Variants in DCHS2 observed in about 807,000 individuals in gnomAD.
DCHS2 encodes the protein protocadherin-23.
A neutral mutation model predicts 182.4 loss-of-function variants in DCHS2; 142 were observed. The ratio of observed to expected loss-of-function variants is 0.78; its 90% confidence interval spans 0.68 to 0.89. The LOEUF is 0.89. Ranked by LOEUF, DCHS2 falls within the 40% of genes least tolerant of loss-of-function variation. The pLI, the probability that DCHS2 is intolerant of heterozygous loss-of-function variation, is 0.00. For synonymous variants in DCHS2, 1,740 were observed against 1,663.3 expected (o/e 1.05, Z -1.12); for missense variants, 4,319 against 4,198.6 (o/e 1.03, Z -0.79).
In DCHS2 at chr4:154,234,840, T is replaced by G; in HGVS notation, c.9812A>C (p.Lys3271Thr). ...AGGGGGTGGAAAAACAAAAGATTTC[T>G]TCTCTTTTGGAATGCCAGGCATATG... Reference protein sequence around the residue: ...HLHMPGIPKEKKSFVFPPPLI... With the variant: ...HLHMPGIPKETKSFVFPPPLI... The change falls in exon 20 of 20, where the codon AAG becomes ACG. Residue 3271 changes from lysine to threonine, a missense_variant. Coordinates refer to ENST00000357232, the MANE Select transcript of DCHS2 (RefSeq NM_001358235.2). 1.2e-6 allele frequency: 2 copies of G among 1,614,078 alleles called. No individual in the cohort carries two copies. The highest frequency in any genetic ancestry group is 1.1e-5 in the South Asian group (1 of 91,076).
chr4:154,484,465 CAG>C (rs1728506132), intron 1 of DCHS2, among the ~76,000 whole-genome samples: 4 of 152,186 alleles, frequency 2.6e-5, no homozygotes, highest in African/African-American at 9.7e-5. Flanking sequence ...GTCTCCAAAA[CAG>C]CCTCCCATTA....
At chr4:154,360,281 C>T (rs1730056886) in intron 3 of DCHS2, among the ~76,000 whole-genome samples, 1 of 152,088 alleles carries the variant, frequency 6.6e-6, no homozygotes, top group Admixed American at 6.6e-5. Flanking sequence ...GCCACCATCA[C>T]CAACAGTGTA....
intron 1 of DCHS2, among the ~76,000 whole-genome samples, chr4:154,392,363 G>A (rs1451042616): frequency 6.6e-6 from 1 of 152,144 alleles, no homozygotes; most frequent in Non-Finnish European, 1.5e-5. Context: ...CCAGTGGAAG[G>A]ATGCATTCCC....
At chr4:154,349,578 T>C (rs1729512586) in intron 3 of DCHS2, among the ~76,000 whole-genome samples, 1 of 152,226 alleles carries the variant, frequency 6.6e-6, no homozygotes, top group Non-Finnish European at 1.5e-5. Flanking sequence ...ATGGGAGGAT[T>C]TGTGACAATG....
chr4:154,486,660 A>C (rs1019820481), intron 1 of DCHS2: 3 of 630,854 alleles, frequency 4.8e-6, no homozygotes, highest in Non-Finnish European at 7.0e-6. Context: ...TGGTTTTTGC[A>C]AAGTGGTATA....
Position 154,255,768 on chromosome 4 carries a change from T to TA in DCHS2, c.6790-99_6790-98insT, listed in dbSNP as rs1732633852. On this transcript the variant is annotated intron_variant, in intron 15 of 19. Transcript: ENST00000357232. ...TGCATTAAGAAAGAATCACAGCTTG[T>TA]CAAACATATTTTAAAAACAACGATG... 7.8e-6 allele frequency: 11 copies of TA among 1,410,188 alleles called. No individual in the cohort carries two copies. The African/African-American group carries it at 1.6e-4, about 21-fold the overall frequency. The allele number at this position is 1,410,188 out of a possible 1,614,324, so 87.4% of individuals were successfully genotyped here. A position where few individuals can be genotyped will look rare whatever the true frequency, so the allele number is the denominator to read the frequency against.
intron 3 of DCHS2, among the ~76,000 whole-genome samples, chr4:154,361,001 A>T (rs1243478455): frequency 1.3e-5 from 2 of 152,212 alleles, no homozygotes; most frequent in African/African-American, 4.8e-5. Flanking sequence ...GGCCTGCTGC[A>T]TCATAAGCAC....
intron 1 of DCHS2, among the ~76,000 whole-genome samples, chr4:154,434,801 T>A (rs1426641221): frequency 6.6e-6 from 1 of 152,186 alleles, no homozygotes; most frequent in Non-Finnish European, 1.5e-5. Flanking sequence ...CCCCATAATT[T>A]ATCAGCCCAG....
chr4:154,350,716 T>G (rs1239796485), intron 3 of DCHS2, among the ~76,000 whole-genome samples: 1 of 152,240 alleles, frequency 6.6e-6, no homozygotes, highest in African/African-American at 2.4e-5. Flanking sequence ...ACCATCTATT[T>G]TTTTTGCTAT....
rs186377292 is a variant in DCHS2, at chr4:154,235,821, A to C, written c.8831T>G (p.Ile2944Arg). 3.8e-5 allele frequency: 62 copies of C among 1,613,740 alleles called. No homozygotes were observed. The African/African-American group carries it at 7.1e-4, about 18-fold the overall frequency. Residue 2944 changes from isoleucine (I) to arginine (R), a missense_variant, in exon 20 of 20, where the codon ATA becomes AGA. Ile to Arg is a moderately conservative substitution (Grantham distance 97, BLOSUM62 -3). Coordinates refer to ENST00000357232, the MANE Select transcript of DCHS2 (RefSeq NM_001358235.2). ...GTCTTCTTTGTTGAGTTGACTTTTT[A>C]TTAGGGGAAGGGCTCTAATCAAATA... ...NIYLIRALPL[I>R]KSQLNKEDTL...
rs79502834 is a variant in DCHS2, at chr4:154,391,651, T to C, written c.2053-14207A>G. Among the ~76,000 whole-genome samples the C allele has an allele frequency of 4.0e-3, 610 of 152,232 alleles. 2 individuals are homozygous for C. The highest frequency in any genetic ancestry group is 0.014 in the African/African-American group (583 of 41,540). On this transcript the variant is annotated intron_variant, in intron 1 of 19. Transcript: ENST00000357232. The stretch of plus-strand genomic sequence containing the variant: ...ACATCTCAACACCCTCTCGACACCT[T>C]ATGGGTTGGATTGTATTGCAAGAAT...
At chr4:154,289,872 A>C (rs1305048040) in intron 13 of DCHS2, among the ~76,000 whole-genome samples, 1 of 152,152 alleles carries the variant, frequency 6.6e-6, no homozygotes, top group East Asian at 1.9e-4. Context: ...CATTTGATGA[A>C]ATTCAACATC....
intron 1 of DCHS2, among the ~76,000 whole-genome samples, chr4:154,379,345 T>C (rs139165501): frequency 2.1e-3 from 322 of 152,296 alleles, no homozygotes; most frequent in African/African-American, 7.5e-3. Flanking sequence ...GAACCAGTTA[T>C]ATGTCCCCAG....
intron 16 of DCHS2, among the ~76,000 whole-genome samples, chr4:154,245,196 G>A (rs1732016233): frequency 6.6e-6 from 1 of 152,134 alleles, no homozygotes. Context: ...ACCTCTGCAA[G>A]ACTTCAAGCC....
intron 1 of DCHS2, among the ~76,000 whole-genome samples, chr4:154,471,301 T>G (rs1311167783): frequency 6.6e-6 from 1 of 152,232 alleles, no homozygotes; most frequent in African/African-American, 2.4e-5. Context: ...TTTGCATATG[T>G]TAAGGTTCAT....
intron 1 of DCHS2, among the ~76,000 whole-genome samples, chr4:154,441,504 C>G (rs369206857): frequency 1.3e-5 from 2 of 151,948 alleles, no homozygotes; most frequent in East Asian, 3.9e-4. Context: ...TGGTAAAGCT[C>G]TTTGTATTTG....
chr4:154,250,787 C>T (rs1360233591), intron 16 of DCHS2, among the ~76,000 whole-genome samples: 1 of 152,152 alleles, frequency 6.6e-6, no homozygotes, highest in Non-Finnish European at 1.5e-5. Flanking sequence ...TGCAGTGCAT[C>T]CATTATGAGG....
chr4:154,459,666 G>A (rs893674646), intron 1 of DCHS2, among the ~76,000 whole-genome samples: 1 of 152,052 alleles, frequency 6.6e-6, no homozygotes, highest in Non-Finnish European at 1.5e-5. Flanking sequence ...GCAGGAGACT[G>A]AGGGCCAAAG....
At chr4:154,448,655 CT>C (rs1422045598) in intron 1 of DCHS2, among the ~76,000 whole-genome samples, 5 of 152,166 alleles carry the variant, frequency 3.3e-5, no homozygotes, top group Non-Finnish European at 7.4e-5. Flanking sequence ...ACTTTGATGA[CT>C]TTTTACTATA....
Sources: allele counts gnomAD v4.1 joint callset (sites outside exome capture counted in the v4.1 genomes callset), GRCh38; gene constraint gnomAD v4.1.1; transcripts MANE v1.5; gene names NCBI Gene and HGNC (gene_info 2026-07-23, HGNC 2026-07-21).